The following GRM8 variants were observed in gnomAD, a reference collection of about 807,000 sequenced individuals.
GRM8 encodes the protein metabotropic glutamate receptor 8.
A neutral mutation model predicts 87.2 loss-of-function variants in GRM8; 47 were observed. The ratio of observed to expected loss-of-function variants is 0.54; its 90% CI spans 0.43 to 0.69. The LOEUF is 0.69. Among genes scored for constraint, GRM8 ranks in the 30% least tolerant of loss-of-function variants. The pLI is 0.00. For missense variants in GRM8, 1,019 were observed against 1,139.2 expected (o/e 0.89, Z 1.52); for synonymous variants, 396 against 404.5 (o/e 0.98, Z 0.25).
At chr7:126,625,191 A>G (rs1027745067) in intron 7 of GRM8, among the ~76,000 whole-genome samples, 1 of 152,160 alleles carries the variant, frequency 6.6e-6, no homozygotes, top group Non-Finnish European at 1.5e-5. Flanking sequence ...ACTGGCATGG[A>G]TTAATAACTT....
At chr7:126,867,454 T>A (rs1798699221) in intron 6 of GRM8, among the ~76,000 whole-genome samples, 1 of 152,238 alleles carries the variant, frequency 6.6e-6, no homozygotes, top group African/African-American at 2.4e-5. Flanking sequence ...TGGAGACTTT[T>A]ATAAATTTCT....
chr7:126,798,713 C>T (rs910581213), intron 6 of GRM8, among the ~76,000 whole-genome samples: 1 of 152,144 alleles, frequency 6.6e-6, no homozygotes, highest in African/African-American at 2.4e-5. Context: ...CTAAACTTCT[C>T]ATACGTCCAA....
intron 7 of GRM8, among the ~76,000 whole-genome samples, chr7:126,657,500 T>G (rs374343200): frequency 1.6e-4 from 25 of 152,194 alleles, no homozygotes; most frequent in African/African-American, 5.8e-4. Context: ...TATAAATTTC[T>G]AACGTTTACT....
At chr7:126,989,146 C>T (rs1812390102) in intron 3 of GRM8, among the ~76,000 whole-genome samples, 1 of 152,106 alleles carries the variant, frequency 6.6e-6, no homozygotes, top group African/African-American at 2.4e-5. Context: ...ATTAACCTTC[C>T]TAAGTACAGA....
At chr7:126,509,422 G>C (rs188828840) in intron 9 of GRM8, among the ~76,000 whole-genome samples, 1 of 152,106 alleles carries the variant, frequency 6.6e-6, no homozygotes, top group Non-Finnish European at 1.5e-5. Flanking sequence ...TAAATTGAAC[G>C]TGGAGAGGAG....
chr7:126,917,381 ACACACACACACACACACATGGACACG>A (rs2131336077), intron 3 of GRM8, among the ~76,000 whole-genome samples: 1 of 151,854 alleles, frequency 6.6e-6, no homozygotes, highest in East Asian at 2.0e-4. Flanking sequence ...AACCACACAC[ACACACACACACACACACATGGACACG>A]CACACACACA....
chr7:127,215,621 T>G (rs1233162919), intron 2 of GRM8, among the ~76,000 whole-genome samples: 1 of 152,160 alleles, frequency 6.6e-6, no homozygotes, highest in Non-Finnish European at 1.5e-5. Flanking sequence ...CTCTCTCCAT[T>G]TTTGCCTCTG....
chr7:126,942,612 G>T (rs1807080050), intron 3 of GRM8, among the ~76,000 whole-genome samples: 1 of 152,162 alleles, frequency 6.6e-6, no homozygotes, highest in Non-Finnish European at 1.5e-5. Flanking sequence ...GCAGCAGGGA[G>T]GTGCAGAGCA....
chr7:126,620,791 C>T (rs1800078577), intron 7 of GRM8, among the ~76,000 whole-genome samples: 2 of 152,160 alleles, frequency 1.3e-5, no homozygotes, highest in African/African-American at 4.8e-5. Flanking sequence ...CTTATGCCCC[C>T]TTAGTATACA....
At chr7:126,574,414 T>C (rs1039138035) in intron 8 of GRM8, among the ~76,000 whole-genome samples, 9 of 152,176 alleles carry the variant, frequency 5.9e-5, no homozygotes, top group African/African-American at 1.7e-4. Flanking sequence ...CCAGTAAGTC[T>C]GTAAACAGAG....
chr7:126,471,307 G>A (rs1805189482), intron 9 of GRM8, among the ~76,000 whole-genome samples: 1 of 151,990 alleles, frequency 6.6e-6, no homozygotes, highest in South Asian at 2.1e-4. Flanking sequence ...TTTCTTCTAG[G>A]GTTTTTATGG....
At chr7:127,042,012 C>A (rs1818470924) in intron 3 of GRM8, among the ~76,000 whole-genome samples, 1 of 152,144 alleles carries the variant, frequency 6.6e-6, no homozygotes, top group East Asian at 1.9e-4. Flanking sequence ...GGGGATTGGG[C>A]CTCCGTTCAT....
intron 2 of GRM8, among the ~76,000 whole-genome samples, chr7:127,144,004 T>C (rs994459578): frequency 6.6e-6 from 1 of 152,100 alleles, no homozygotes; most frequent in African/African-American, 2.4e-5. Flanking sequence ...CTGTCCAGAA[T>C]ATTTCGCCTC....
chr7:126,837,379 T>C (rs1435740519), intron 6 of GRM8, among the ~76,000 whole-genome samples: 1 of 152,234 alleles, frequency 6.6e-6, no homozygotes, highest in South Asian at 2.1e-4. Flanking sequence ...ATTTTAGCAA[T>C]TTAGAAAAGA....
Position 126,679,741 on chromosome 7 carries a change from C to T in GRM8, c.1358-70243G>A, listed in dbSNP as rs1807343957. On this transcript the variant is annotated intron_variant, in intron 7 of 10. Transcript: ENST00000339582. ...TCAGAGGGTCTCATTAAAGATGGAA[C>T]TTAATAGGCTGGGTGTGGTGGCTCA... 2.0e-5 allele frequency among the ~76,000 whole-genome samples: 3 copies of T among 152,246 alleles called. No individual in the cohort carries two copies. In the South Asian group the frequency reaches 6.2e-4, roughly 32 times the overall value.
At chr7:126,593,403 A>G (rs1796872973) in intron 8 of GRM8, among the ~76,000 whole-genome samples, 1 of 152,084 alleles carries the variant, frequency 6.6e-6, no homozygotes, top group South Asian at 2.1e-4. Flanking sequence ...ACATGAAAAC[A>G]AATGTACCAA....
chr7:126,719,930 C>T (rs531838599), intron 7 of GRM8, among the ~76,000 whole-genome samples: 12 of 146,006 alleles, frequency 8.2e-5, no homozygotes, highest in African/African-American at 3.0e-4. Context: ...CTTACTTCTT[C>T]TAATTCCAAT....
intron 8 of GRM8, among the ~76,000 whole-genome samples, chr7:126,564,240 G>A (rs1794003476): frequency 6.6e-6 from 1 of 152,134 alleles, no homozygotes; most frequent in Non-Finnish European, 1.5e-5. Context: ...GAGATGATAG[G>A]CCTGCTGTTT....
intron 9 of GRM8, among the ~76,000 whole-genome samples, chr7:126,484,707 G>A (rs1427304540): frequency 6.6e-6 from 1 of 151,858 alleles, no homozygotes; most frequent in Non-Finnish European, 1.5e-5. Context: ...TATTCCAAAA[G>A]TTTTTGTTTC....
Sources: allele counts gnomAD v4.1 joint callset (sites outside exome capture counted in the v4.1 genomes callset), GRCh38; gene constraint gnomAD v4.1.1; transcripts MANE v1.5; gene names NCBI Gene and HGNC (gene_info 2026-07-23, HGNC 2026-07-21).